The following AGBL1 variants were observed in gnomAD, a reference collection of about 807,000 sequenced individuals.
AGBL1 encodes the protein cytosolic carboxypeptidase 4.
A neutral mutation model predicts 118.9 loss-of-function variants in AGBL1; 130 were observed. That is an observed-to-expected ratio of 1.09 (90% CI 0.95 to 1.26). The LOEUF (loss-of-function observed/expected upper bound fraction) is 1.26. Among genes scored for constraint, AGBL1 ranks in the 50% most tolerant of loss-of-function variants. The pLI, the probability that AGBL1 is intolerant of heterozygous loss-of-function variation, is 0.00. For synonymous variants in AGBL1, 555 were observed against 478.9 expected (o/e 1.16, Z -2.08); for missense variants, 1,584 against 1,298.1 (o/e 1.22, Z -3.38).
At chr15:86,131,054 C>T (rs910566943) in intron 1 of AGBL1, among the ~76,000 whole-genome samples, 1 of 152,164 alleles carries the variant, frequency 6.6e-6, no homozygotes, top group Admixed American at 6.5e-5. Context: ...ATGGGTCTTT[C>T]CGTATGGCAA....
intron 22 of AGBL1, among the ~76,000 whole-genome samples, chr15:86,865,535 A>G (rs1363055794): frequency 6.6e-6 from 1 of 152,236 alleles, no homozygotes; most frequent in South Asian, 2.1e-4. Context: ...AAGAAAATGG[A>G]CAGTATAAAT....
At chr15:86,968,252 T>A (rs1377571982) in intron 23 of AGBL1, among the ~76,000 whole-genome samples, 1 of 151,844 alleles carries the variant, frequency 6.6e-6, no homozygotes, top group Non-Finnish European at 1.5e-5. Flanking sequence ...CTCTTTGACC[T>A]TCTAGGGGCC....
intron 17 of AGBL1, among the ~76,000 whole-genome samples, chr15:86,391,032 A>G (rs1489167569): frequency 1.3e-5 from 2 of 151,084 alleles, no homozygotes; most frequent in Non-Finnish European, 3.0e-5. Flanking sequence ...AAAAAAAAAA[A>G]GGCAAATCGG....
intron 22 of AGBL1, among the ~76,000 whole-genome samples, chr15:86,861,399 T>C (rs1164474514): frequency 6.6e-6 from 1 of 152,190 alleles, no homozygotes; most frequent in Admixed American, 6.5e-5. Context: ...AGTTTCTCAT[T>C]TAATTCTCAA....
chr15:86,558,934 A>C (rs770549093), intron 21 of AGBL1, among the ~76,000 whole-genome samples: 5 of 152,230 alleles, frequency 3.3e-5, no homozygotes, highest in African/African-American at 4.8e-5. Context: ...GTTCTCTCAC[A>C]GATCTGGAAG....
At chr15:86,400,488 A>T (rs1216813413) in intron 18 of AGBL1, among the ~76,000 whole-genome samples, 4 of 144,048 alleles carry the variant, frequency 2.8e-5, no homozygotes, top group Non-Finnish European at 6.0e-5. Flanking sequence ...TTGGGGGAAC[A>T]GGTTTTTTTT....
intron 5 of AGBL1, among the ~76,000 whole-genome samples, chr15:86,164,144 A>G (rs554245864): frequency 6.6e-6 from 1 of 152,342 alleles, no homozygotes; most frequent in South Asian, 2.1e-4. Flanking sequence ...AAAGATCTGA[A>G]TTGGAGGGGC....
At chr15:86,198,000 G>A (rs1567119987) in intron 5 of AGBL1, among the ~76,000 whole-genome samples, 1 of 152,168 alleles carries the variant, frequency 6.6e-6, no homozygotes, top group Non-Finnish European at 1.5e-5. Context: ...GGTTGGGTGA[G>A]GTCACTGCCT....
At chr15:86,286,918 A>AT (rs2079464194) in intron 16 of AGBL1, among the ~76,000 whole-genome samples, 1 of 151,632 alleles carries the variant, frequency 6.6e-6, no homozygotes, top group Admixed American at 6.6e-5. Context: ...TCTATTTTTA[A>AT]TTTTTTGAGG....
downstream of AGBL1, among the ~76,000 whole-genome samples, chr15:87,029,259 T>C (rs2081763800): frequency 6.6e-6 from 1 of 151,914 alleles, no homozygotes; most frequent in Non-Finnish European, 1.5e-5. Flanking sequence ...TGAGTGGTTT[T>C]GTAGCATCAG....
At chr15:86,820,675 G>A (rs2141387222) in intron 22 of AGBL1, among the ~76,000 whole-genome samples, 1 of 152,244 alleles carries the variant, frequency 6.6e-6, no homozygotes, top group Non-Finnish European at 1.5e-5. Context: ...AAAAAGTCAG[G>A]AAACAACAGA....
intron 19 of AGBL1, among the ~76,000 whole-genome samples, chr15:86,532,170 G>A (rs1306241109): frequency 2.0e-5 from 3 of 149,868 alleles, no homozygotes; most frequent in Non-Finnish European, 3.0e-5. Flanking sequence ...AAGTCAAATT[G>A]TCCCTGTTTG....
chr15:86,264,494 T>C lies in AGBL1; in HGVS notation c.1323T>C (p.Asn441=), dbSNP rs1208671261. ...ATCCTGGAGTGAACCTGTACCAAAA[T>C]GTGCAATCCAATAGTCTCAGGAGAG... is the stretch of plus-strand genomic sequence containing the variant. The part of the protein sequence containing the change: ...KKNPGVNLYQ[N]VQSNSLRRDS... Residue 441 remains asparagine (N), a synonymous_variant, in exon 11 of 23, where the codon AAT becomes AAC. Transcript: ENST00000614907. The C allele has an allele frequency of 1.2e-6, 2 of 1,614,042 alleles. No individual in the cohort carries two copies. Among genetic ancestry groups the C allele is most frequent in the East Asian group, 2.2e-5 (1 of 44,890 alleles).
At chr15:86,812,727 G>A (rs1183142804) in intron 22 of AGBL1, among the ~76,000 whole-genome samples, 1 of 152,064 alleles carries the variant, frequency 6.6e-6, no homozygotes, top group African/African-American at 2.4e-5. Context: ...ATGCACTGCT[G>A]GAAATGCACA....
chr15:86,929,232 A>G (rs1354885264), intron 23 of AGBL1, among the ~76,000 whole-genome samples: 6 of 152,246 alleles, frequency 3.9e-5, no homozygotes, highest in Admixed American at 1.3e-4. Context: ...ATCTGATGTA[A>G]ATAGCAATAG....
intron 21 of AGBL1, among the ~76,000 whole-genome samples, chr15:86,574,198 C>A (rs750403902): frequency 6.6e-6 from 1 of 152,198 alleles, no homozygotes; most frequent in Non-Finnish European, 1.5e-5. Context: ...AAGGCGAGAG[C>A]ATTTATCTGC....
At chr15:86,118,704 G>T (rs1374062225) in intron 1 of AGBL1, among the ~76,000 whole-genome samples, 1 of 151,442 alleles carries the variant, frequency 6.6e-6, no homozygotes, top group Non-Finnish European at 1.5e-5. Context: ...TCTTCTCTTG[G>T]ATTCTGTTTA....
intron 5 of AGBL1, among the ~76,000 whole-genome samples, chr15:86,213,115 G>T (rs28656840): frequency 1.3e-5 from 2 of 152,022 alleles, no homozygotes; most frequent in African/African-American, 2.4e-5. Context: ...TGCCCTTACT[G>T]TCTGGAACCG....
intron 17 of AGBL1, among the ~76,000 whole-genome samples, chr15:86,364,999 A>ATATATATATATATG (rs2080864123): frequency 4.2e-5 from 1 of 23,646 alleles, no homozygotes; most frequent in Non-Finnish European, 1.5e-4. Context: ...ACACACACAC[A>ATATATATATATATG]TATATATATA....
Sources: gnomAD v4.1 joint callset for allele counts (sites outside exome capture counted in the v4.1 genomes callset) on GRCh38, gnomAD v4.1.1 for gene constraint, MANE v1.5 for transcripts, NCBI Gene and HGNC (gene_info 2026-07-23, HGNC 2026-07-21) for gene names.